Variants in GPR158 observed in about 807,000 individuals in gnomAD.
GPR158 encodes metabotropic glycine receptor.
A neutral mutation model predicts 78.2 loss-of-function variants in GPR158; 30 were observed. The observed-to-expected ratio is 0.38, with a 90% CI of 0.29 to 0.52. The LOEUF (loss-of-function observed/expected upper bound fraction) is 0.52, where lower values mean the gene tolerates loss of function less well. Ranked by LOEUF, GPR158 falls within the 20% of genes least tolerant of loss-of-function variation. The pLI is 0.83. For synonymous variants in GPR158, 581 were observed against 591.1 expected, an observed-to-expected ratio of 0.98 and a Z score of 0.25; for missense variants, 1,463 against 1,523.5, an observed-to-expected ratio of 0.96 and a Z score of 0.66.
chr10:25,593,009 G>T (rs1837361790), intron 8 of GPR158, among the ~76,000 whole-genome samples: 1 of 151,650 alleles, frequency 6.6e-6, no homozygotes, highest in Non-Finnish European at 1.5e-5. Context: ...CATATTCAAG[G>T]TATGTGTTTT....
At chr10:25,293,588 AT>A (rs1322772637) in intron 2 of GPR158, among the ~76,000 whole-genome samples, 2 of 152,068 alleles carry the variant, frequency 1.3e-5, no homozygotes, top group Non-Finnish European at 2.9e-5. Context: ...TAGACCCAAT[AT>A]TTTTCTGGGT....
chr10:25,193,116 A>G (rs1219776147), intron 1 of GPR158, among the ~76,000 whole-genome samples: 2 of 152,230 alleles, frequency 1.3e-5, no homozygotes, highest in Non-Finnish European at 2.9e-5. Flanking sequence ...GCACCTGGCT[A>G]TGGCTACAGG....
At chr10:25,234,328 G>T (rs1853494756) in intron 2 of GPR158, among the ~76,000 whole-genome samples, 1 of 152,108 alleles carries the variant, frequency 6.6e-6, no homozygotes, top group Admixed American at 6.6e-5. Context: ...CATTAGAATT[G>T]GTGATGACAC....
chr10:25,368,112 C>A (rs1240730270), intron 2 of GPR158, among the ~76,000 whole-genome samples: 1 of 151,878 alleles, frequency 6.6e-6, no homozygotes, highest in Non-Finnish European at 1.5e-5. Context: ...ATTAGCCCCA[C>A]CTGCCAGAAT....
rs114388667 is a variant in GPR158 at position 25,231,759 on chromosome 10, T to C, written c.1008+10602T>C. On this transcript the variant is annotated intron_variant, in intron 2 of 10. Transcript: ENST00000376351. ...GAATATGGAGGATGGCAGCTTACCA[T>C]GCACAGGGATGACAAGAGGATTCAG... is the stretch of plus-strand genomic sequence containing the variant. Among the ~76,000 whole-genome samples the C allele has an allele frequency of 3.8e-3, 583 of 152,312 alleles. 4 individuals carry two copies. Among genetic ancestry groups the C allele is most frequent in the African/African-American group, 0.013 (545 of 41,564 alleles).
intron 2 of GPR158, among the ~76,000 whole-genome samples, chr10:25,254,362 T>C (rs2130726566): frequency 6.6e-6 from 1 of 152,338 alleles, no homozygotes; most frequent in East Asian, 1.9e-4. Context: ...AAAAATACTG[T>C]ACGCTGTAGC....
At chr10:25,543,590 T>C (rs1335490497) in intron 5 of GPR158, among the ~76,000 whole-genome samples, 1 of 152,166 alleles carries the variant, frequency 6.6e-6, no homozygotes, top group East Asian at 1.9e-4. Context: ...GTTTGTTACA[T>C]GCACTGAGTA....
At chr10:25,587,565 G>T (rs12265447) in intron 7 of GPR158, among the ~76,000 whole-genome samples, 1 of 152,096 alleles carries the variant, frequency 6.6e-6, no homozygotes, top group African/African-American at 2.4e-5. Context: ...TACAAGAGTT[G>T]GGAAAGGAAA....
At chr10:25,317,231 A>G (rs1288632361) in intron 2 of GPR158, among the ~76,000 whole-genome samples, 1 of 151,802 alleles carries the variant, frequency 6.6e-6, no homozygotes, top group Non-Finnish European at 1.5e-5. Context: ...TATTTTTAGT[A>G]GAGATGGGGT....
In GPR158 at chr10:25,221,150, A is replaced by G. The variant is rs774867572; in HGVS notation, c.1001A>G (p.Asn334Ser). 7 of 1,482,790 alleles carry G rather than the reference A, an allele frequency of 4.7e-6. No individual in the cohort carries two copies. Among genetic ancestry groups the G allele is most frequent in the Non-Finnish European group, 6.6e-6 (7 of 1,061,824 alleles). 91.9% of individuals were successfully genotyped at this position (1,482,790 alleles called of 1,614,324 possible). A position where few individuals can be genotyped will look rare whatever the true frequency, so the allele number is the denominator to read the frequency against. Residue 334 changes from asparagine (N) to serine (S), a missense_variant, in exon 2 of 11, where the codon AAT becomes AGT. Coordinates refer to ENST00000376351, the MANE Select transcript of GPR158 (RefSeq NM_020752.3). ...FSGTHKCHLNNSECMPIKGLG... is the reference protein window; with the variant it reads ...FSGTHKCHLNSSECMPIKGLG... The stretch of plus-strand genomic sequence containing the variant: ...GGAACTCATAAATGCCACCTCAACA[A>G]TTCAGAGGTAAGAAGATGAAAATAA...
chr10:25,473,040 A>G (rs962500538), intron 5 of GPR158, among the ~76,000 whole-genome samples: 3 of 152,068 alleles, frequency 2.0e-5, no homozygotes, highest in Admixed American at 6.6e-5. Flanking sequence ...GCCAATTTTC[A>G]AAGGGAATGC....
Position 25,241,371 on chromosome 10 carries a change from T to C in GPR158, c.1008+20214T>C, listed in dbSNP as rs377038813. Among the ~76,000 whole-genome samples the C allele has an allele frequency of 7.4e-5, 6 of 81,358 alleles. No individual in the cohort carries two copies. The South Asian group carries it at 2.5e-3, about 34-fold the overall frequency. 53.4% of individuals were successfully genotyped at this position (81,358 alleles called of 152,430 possible). A position where few individuals can be genotyped will look rare whatever the true frequency, so the allele number is the denominator to read the frequency against. ...TTCTCTTTTCTTTTCTCTTTTCTTT[T>C]CTCTCTTCTCTTCTCTTCTCTTCTC... On this transcript the variant is annotated intron_variant, in intron 2 of 10. Coordinates refer to ENST00000376351, the MANE Select transcript of GPR158 (RefSeq NM_020752.3).
intron 2 of GPR158, among the ~76,000 whole-genome samples, chr10:25,327,873 A>G (rs1855059356): frequency 6.6e-6 from 1 of 152,208 alleles, no homozygotes; most frequent in African/African-American, 2.4e-5. Flanking sequence ...TATTTTTAAA[A>G]TTTATATTTT....
At chr10:25,476,369 T>C (rs2130630246) in intron 5 of GPR158, among the ~76,000 whole-genome samples, 1 of 141,824 alleles carries the variant, frequency 7.1e-6, no homozygotes, top group Non-Finnish European at 1.5e-5. Flanking sequence ...AAACCGTCAG[T>C]TTCATTTAAT....
At position 25,496,544 on chromosome 10, in the gene GPR158, T is replaced by C. The variant is rs1451718187; in HGVS notation, c.1404+29825T>C. ...GAGTTTTAAAGTTAGTAGAAATCCT[T>C]GGTGCTTTTCCAATTAGCTGGTAAA... On this transcript the variant is annotated intron_variant, in intron 5 of 10. Coordinates refer to ENST00000376351, the MANE Select transcript of GPR158 (RefSeq NM_020752.3). 3.3e-5 allele frequency among the ~76,000 whole-genome samples: 5 copies of C among 152,204 alleles called. No individual in the cohort carries two copies. The East Asian group carries it at 9.6e-4, about 29-fold the overall frequency.
intron 2 of GPR158, among the ~76,000 whole-genome samples, chr10:25,268,454 C>T (rs777002489): frequency 2.0e-5 from 3 of 151,970 alleles, no homozygotes; most frequent in Admixed American, 6.6e-5. Flanking sequence ...AGATCTGTGA[C>T]CCTAAGACTC....
chr10:25,587,738 G>T (rs1837290173), intron 7 of GPR158, among the ~76,000 whole-genome samples: 1 of 152,034 alleles, frequency 6.6e-6, no homozygotes, highest in African/African-American at 2.4e-5. Context: ...TTGTCTTCCG[G>T]CTACATCAGG....
intron 2 of GPR158, among the ~76,000 whole-genome samples, chr10:25,390,723 G>A (rs547144469): frequency 6.6e-6 from 1 of 152,302 alleles, no homozygotes; most frequent in South Asian, 2.1e-4. Context: ...TGGCAATGCA[G>A]TAAAAAAGAA....
intron 7 of GPR158, among the ~76,000 whole-genome samples, chr10:25,584,290 T>C (rs1837240640): frequency 6.6e-6 from 1 of 152,240 alleles, no homozygotes; most frequent in African/African-American, 2.4e-5. Context: ...TCTTTACTAA[T>C]TGCAGTGCTA....
Sources: gnomAD v4.1 joint callset for allele counts (sites outside exome capture counted in the v4.1 genomes callset) on GRCh38, gnomAD v4.1.1 for gene constraint, MANE v1.5 for transcripts, NCBI Gene and HGNC (gene_info 2026-07-23, HGNC 2026-07-21) for gene names.